Variants in PPARGC1B observed in about 807,000 individuals in gnomAD.
PPARGC1B encodes the protein peroxisome proliferator-activated receptor gamma coactivator 1-beta.
Under a neutral mutation model 101.6 loss-of-function variants are expected in PPARGC1B, and 34 were observed. That is an observed-to-expected ratio of 0.33 (90% CI 0.25 to 0.45). The LOEUF is 0.45. Ranked by LOEUF, PPARGC1B falls within the 20% of genes least tolerant of loss-of-function variation. The pLI is 1.00. For synonymous variants in PPARGC1B, 548 were observed against 539.3 expected (o/e 1.02, Z -0.22); for missense variants, 1,234 against 1,317.6 (o/e 0.94, Z 0.98).
At chr5:149,804,203 T>C in intron 1 of PPARGC1B, among the ~76,000 whole-genome samples, 1 of 152,288 alleles carries the variant, frequency 6.6e-6, no homozygotes, top group South Asian at 2.1e-4. Context: ...TCCTGGGAAA[T>C]AGTGCCTCTG....
chr5:149,795,168 A>G (rs1426451210), intron 1 of PPARGC1B, among the ~76,000 whole-genome samples: 1 of 152,152 alleles, frequency 6.6e-6, no homozygotes, highest in South Asian at 2.1e-4. Flanking sequence ...CTGAAATGAA[A>G]AGGTTTTTGT....
chr5:149,834,824 C>T (rs995930573), intron 6 of PPARGC1B, 114 bp downstream of exon 6: 1 of 892,030 alleles, frequency 1.1e-6, no homozygotes, highest in Non-Finnish European at 1.8e-6. Context: ...CGGCCCCACA[C>T]CCTGTGCCCT....
chr5:149,814,031 C>G, intron 1 of PPARGC1B, among the ~76,000 whole-genome samples: 1 of 152,206 alleles, frequency 6.6e-6, no homozygotes, highest in Non-Finnish European at 1.5e-5. Context: ...TGCGGGATCA[C>G]AAACATTCAG....
chr5:149,773,684 G>T (rs552267806), intron 1 of PPARGC1B, among the ~76,000 whole-genome samples: 1 of 152,358 alleles, frequency 6.6e-6, no homozygotes, highest in South Asian at 2.1e-4. Flanking sequence ...ACGGTGATGG[G>T]AGGCAGAGCG....
intron 1 of PPARGC1B, among the ~76,000 whole-genome samples, chr5:149,775,888 A>G (rs912008148): frequency 1.3e-5 from 2 of 152,172 alleles, no homozygotes; most frequent in East Asian, 3.8e-4. Context: ...TGGACTGTCT[A>G]AAGAAAGTAA....
In PPARGC1B at chr5:149,840,036, G is replaced by T. The variant is rs1759269514; in HGVS notation, c.2619-5G>T. ...AGTGCCTCTGCTTTGCTTGTTCACT[G>T]ACAGATGTGAGAGCAGAGGGCCGTG... On this transcript the variant is annotated splice_polypyrimidine_tract_variant and splice_region_variant and intron_variant, in intron 8 of 11. Transcript: ENST00000309241. 1.2e-6 allele frequency: 2 copies of T among 1,614,114 alleles called. No individual in the cohort carries two copies.
chr5:149,840,193 C>G, intron 9 of PPARGC1B, 77 bp downstream of exon 9: 2 of 1,392,344 alleles, frequency 1.4e-6, no homozygotes, highest in Non-Finnish European at 9.8e-7. Flanking sequence ...TGGACCAAAG[C>G]CTTTTGAGGC....
intron 1 of PPARGC1B, among the ~76,000 whole-genome samples, chr5:149,761,183 A>G (rs1000776978): frequency 6.6e-6 from 1 of 152,236 alleles, no homozygotes; most frequent in Non-Finnish European, 1.5e-5. Context: ...TACTGTGAAA[A>G]GATGACCACA....
intron 1 of PPARGC1B, among the ~76,000 whole-genome samples, chr5:149,736,294 T>G (rs986615458): frequency 3.3e-5 from 5 of 152,232 alleles, no homozygotes; most frequent in African/African-American, 1.2e-4. Flanking sequence ...CTCATGAAAG[T>G]TGGAATAATT....
intron 4 of PPARGC1B, among the ~76,000 whole-genome samples, 173 bp downstream of exon 4, chr5:149,831,056 GT>G (rs1045952080): frequency 6.6e-6 from 1 of 152,202 alleles, no homozygotes; most frequent in African/African-American, 2.4e-5. Flanking sequence ...CTAGTTTAGG[GT>G]TTTCTGGAAG....
chr5:149,759,483 G>C (rs997044699), intron 1 of PPARGC1B, among the ~76,000 whole-genome samples: 2 of 152,184 alleles, frequency 1.3e-5, no homozygotes, highest in Non-Finnish European at 2.9e-5. Flanking sequence ...TGGAGCAGGA[G>C]GGGCAGGAGA....
chr5:149,798,089 G>A (rs1757296087), intron 1 of PPARGC1B, among the ~76,000 whole-genome samples: 1 of 152,196 alleles, frequency 6.6e-6, no homozygotes. Flanking sequence ...AGATAAAAGA[G>A]CTAAGGCCCA....
intron 1 of PPARGC1B, chr5:149,761,714 T>G (rs1006604288): frequency 2.6e-5 from 4 of 152,148 alleles, no homozygotes; most frequent in Non-Finnish European, 4.4e-5. Context: ...CCAAGTGAAA[T>G]GAGCCAGATG....
intron 1 of PPARGC1B, among the ~76,000 whole-genome samples, chr5:149,799,708 T>TTTTTTTTTTTTG: frequency 7.3e-6 from 1 of 137,820 alleles, no homozygotes; most frequent in Non-Finnish European, 1.6e-5. Flanking sequence ...TTTTTTTTTT[T>TTTTTTTTTTTTG]TTTTTTGAGA....
chr5:149,847,694 T>G lies in PPARGC1B; in HGVS notation c.*136T>G. 1.6e-6 allele frequency: 1 copy of G among 636,490 alleles called. No individual in the cohort carries two copies. The highest frequency in any genetic ancestry group is 2.8e-6 in the Non-Finnish European group (1 of 362,714). 39.4% of individuals were successfully genotyped at this position (636,490 alleles called of 1,614,324 possible). ...AACACCCGTGAGAGAGACTTGAAAC[T>G]GCTGTCCTTTAAAAAAAAAAAAAAT... On this transcript the variant is annotated 3_prime_UTR_variant, in exon 12 of 12. Coordinates refer to ENST00000309241, the MANE Select transcript of PPARGC1B (RefSeq NM_133263.4).
At chr5:149,744,499 G>A (rs1049437390) in intron 1 of PPARGC1B, among the ~76,000 whole-genome samples, 2 of 152,240 alleles carry the variant, frequency 1.3e-5, no homozygotes, top group Admixed American at 6.5e-5. Context: ...GGTGAAGACA[G>A]TGTATCGTGT....
At chr5:149,774,256 G>T (rs1009425579) in intron 1 of PPARGC1B, among the ~76,000 whole-genome samples, 2 of 152,158 alleles carry the variant, frequency 1.3e-5, no homozygotes, top group Non-Finnish European at 2.9e-5. Flanking sequence ...CCGTCGTAGA[G>T]AAGTTTACAG....
chr5:149,809,718 A>G (rs1489634346), intron 1 of PPARGC1B, among the ~76,000 whole-genome samples: 1 of 150,830 alleles, frequency 6.6e-6, no homozygotes, highest in Non-Finnish European at 1.5e-5. Flanking sequence ...AAAAAAATTA[A>G]TCAATTTCAT....
intron 1 of PPARGC1B, among the ~76,000 whole-genome samples, chr5:149,757,124 A>G (rs906785113): frequency 1.3e-5 from 2 of 152,222 alleles, no homozygotes; most frequent in Admixed American, 6.5e-5. Flanking sequence ...TAGGTGGGTT[A>G]TGCTAGAAAG....
Sources: gnomAD v4.1 joint callset for allele counts (sites outside exome capture counted in the v4.1 genomes callset) on GRCh38, gnomAD v4.1.1 for gene constraint, MANE v1.5 for transcripts, NCBI Gene and HGNC (gene_info 2026-07-23, HGNC 2026-07-21) for gene names.